KIF21B: variants seen among roughly 807,000 people sequenced by gnomAD.
KIF21B encodes the protein kinesin family member 21B.
A neutral mutation model predicts 192.9 loss-of-function variants in KIF21B; 85 were observed. The observed-to-expected ratio is 0.44, with a 90% CI of 0.37 to 0.53. The LOEUF is 0.53. Among genes scored for constraint, KIF21B ranks in the 20% least tolerant of loss-of-function variants. The pLI is 0.00. For missense variants in KIF21B, 1,716 were observed against 2,194.8 expected, an observed-to-expected ratio of 0.78 and a Z score of 4.36; for synonymous variants, 832 against 884.6, an observed-to-expected ratio of 0.94 and a Z score of 1.05.
chr1:200,999,303 A>C lies in KIF21B; in HGVS notation c.1885+46T>G. 6.2e-6 allele frequency: 10 copies of C among 1,612,850 alleles called. No individual in the cohort carries two copies. The highest frequency in any genetic ancestry group is 8.5e-6 in the Non-Finnish European group (10 of 1,179,152). On this transcript the variant is annotated intron_variant, in intron 13 of 34. Transcript: ENST00000461742. This position sits in a 1 kb window ranked among gnomAD's most constrained non-coding sequence, Gnocchi z 4.7. ...CCCGACCCCACACTTGGGCACTGGCAGCCAGGCATTGCATCCCCCACAGCC... is the reference window on the plus strand; with the variant it reads ...CCCGACCCCACACTTGGGCACTGGCCGCCAGGCATTGCATCCCCCACAGCC...
intron 25 of KIF21B, 36 bp downstream of exon 25, chr1:200,986,960 C>G (rs778239768): frequency 3.1e-6 from 5 of 1,612,426 alleles, no homozygotes; most frequent in Non-Finnish European, 4.2e-6. Flanking sequence ...CCAACTCCAC[C>G]TCCACTCCAA....
chr1:201,003,307 A>G, intron 8 of KIF21B: 1 of 510,178 alleles, frequency 2.0e-6, no homozygotes, highest in Non-Finnish European at 3.6e-6. Flanking sequence ...CCTGTGCACA[A>G]GATCTATGCA....
At chr1:200,996,480 C>A in intron 14 of KIF21B, 85 bp from the exon 15 acceptor site, 1 of 1,178,900 alleles carries the variant, frequency 8.5e-7, no homozygotes, top group South Asian at 1.3e-5. Context: ...AACGCAGGAA[C>A]CCTCTGTTCC....
Position 200,982,960 on chromosome 1 carries a change from CGG to C in KIF21B, c.3842+94_3842+95del, listed in dbSNP as rs1360597572. 37 of 1,124,600 alleles carry C rather than the reference CGG, an allele frequency of 3.3e-5. No individual in the cohort carries two copies. The highest frequency in any genetic ancestry group is 2.4e-4 in the Middle Eastern group (1 of 4,198). The allele number at this position is 1,124,600 out of a possible 1,614,324, so 69.7% of individuals were successfully genotyped here. On this transcript the variant is annotated intron_variant, in intron 28 of 34. Coordinates refer to ENST00000461742, the MANE Select transcript of KIF21B (RefSeq NM_001252102.2). This position sits in a 1 kb window ranked among gnomAD's most constrained non-coding sequence, Gnocchi z 4.7. ...GTGGAGGGGCCGCATGCTGAGGACA[CGG>C]GTGTCAGGCGGGAGGGATGCAGCAA...
chr1:201,013,097 G>A (rs1357200072), intron 1 of KIF21B, among the ~76,000 whole-genome samples: 1 of 152,192 alleles, frequency 6.6e-6, no homozygotes, highest in Non-Finnish European at 1.5e-5. Flanking sequence ...ACAGTTTGGC[G>A]GTGGCAGACA....
Position 200,973,386 on chromosome 1 carries a change from G to A in KIF21B, c.*135C>T. 8.9e-7 allele frequency: 1 copy of A among 1,124,990 alleles called. No individual in the cohort carries two copies. Among genetic ancestry groups the A allele is most frequent in the Non-Finnish European group, 1.2e-6 (1 of 852,476 alleles). 69.7% of individuals were successfully genotyped at this position (1,124,990 alleles called of 1,614,324 possible). A position where few individuals can be genotyped will look rare whatever the true frequency, so the allele number is the denominator to read the frequency against. ...TGTCCTGTGGGAAGGCCAAGGGAGA[G>A]GGAGGAGGGCAGGAGAGGGGGCCAC... On this transcript the variant is annotated 3_prime_UTR_variant, in exon 35 of 35. Transcript: ENST00000461742.
At chr1:200,994,983 G>C (rs1656955546) in intron 15 of KIF21B, among the ~76,000 whole-genome samples, 1 of 152,232 alleles carries the variant, frequency 6.6e-6, no homozygotes, top group Non-Finnish European at 1.5e-5. Context: ...GGCCAGCCCA[G>C]GCCAAGCAGG....
In KIF21B at chr1:201,000,719, T is replaced by C. The variant is rs1657438318; in HGVS notation, c.1464A>G (p.Leu488=). The change falls in exon 10 of 35, where the codon CTA becomes CTG. Residue 488 remains leucine (L), a splice_region_variant and synonymous_variant. Transcript: ENST00000461742. This position sits in a 1 kb window ranked among gnomAD's most constrained non-coding sequence, Gnocchi z 6.0. ...IQNYIREIEE[L]RTKLLESEAM... The stretch of plus-strand genomic sequence containing the variant: ...CCTGCCGGAGCTCACTCACTCACCG[T>C]AGCTCCTCGATCTCCCGGATGTAGT... 8 of 1,614,162 alleles carry C rather than the reference T, an allele frequency of 5.0e-6. No homozygotes were observed. Among genetic ancestry groups the C allele is most frequent in the Admixed American group, 1.7e-5 (1 of 60,026 alleles).
Position 200,990,573 on chromosome 1 carries a change from C to T in KIF21B, c.2835+3G>A. 1 of 1,613,480 alleles carries T rather than the reference C, an allele frequency of 6.2e-7. No homozygotes were observed. On this transcript the variant is annotated splice_donor_region_variant and intron_variant, in intron 19 of 34. Coordinates refer to ENST00000461742, the MANE Select transcript of KIF21B (RefSeq NM_001252102.2). This position sits in a 1 kb window ranked among gnomAD's most constrained non-coding sequence, Gnocchi z 5.4. ...TGGAAGAGAAGGGGGAGGCAGGGCT[C>T]ACCTTGATGAGCCGCTCCATGTCAG...
intron 1 of KIF21B, among the ~76,000 whole-genome samples, chr1:201,020,329 C>T (rs1370683107): frequency 6.6e-6 from 1 of 152,190 alleles, no homozygotes; most frequent in Admixed American, 6.5e-5. Flanking sequence ...TTTGTCAGGC[C>T]TATATCTCTG....
At chr1:201,005,270 C>A (rs1193678247) in intron 5 of KIF21B, 38 bp downstream of exon 5, 1 of 1,536,524 alleles carries the variant, frequency 6.5e-7, no homozygotes, top group East Asian at 2.3e-5. Context: ...GATACCCCTG[C>A]AGCAAGCTGG....
chr1:201,018,382 A>G (rs1655021091), intron 1 of KIF21B, among the ~76,000 whole-genome samples: 1 of 152,248 alleles, frequency 6.6e-6, no homozygotes, highest in Non-Finnish European at 1.5e-5. Flanking sequence ...AGCTAGGACC[A>G]TGGTGGTGCC....
chr1:201,000,003 G>T lies in KIF21B; in HGVS notation c.1686-39C>A. The T allele has an allele frequency of 6.3e-7, 1 of 1,583,094 alleles. No individual in the cohort carries two copies. On this transcript the variant is annotated intron_variant, in intron 11 of 34. Transcript: ENST00000461742. The surrounding 1 kb of genome is among the most constrained non-coding windows in gnomAD (Gnocchi z 6.0). ...ACAGGGAAGCTGGATTAGGAAGGCT[G>T]CCCCTGCCCTGAGCACATGGGCAGG...
At chr1:201,006,562 A>G (rs910872723) in intron 3 of KIF21B, among the ~76,000 whole-genome samples, 4 of 152,084 alleles carry the variant, frequency 2.6e-5, no homozygotes, top group Non-Finnish European at 5.9e-5. Flanking sequence ...AGGAGATGGA[A>G]AGGATGGTGC....
Position 200,998,461 on chromosome 1 carries a change from T to G in KIF21B, c.2000A>C (p.Tyr667Ser). Reference protein sequence around the residue: ...QRRLQTLKHQYEEKLILLQNK... With the variant: ...QRRLQTLKHQSEEKLILLQNK... ...CTGCAGCAGAATCAGCTTTTCCTCA[T>G]ACTGGTGCTTGAGCGTCTGCAACCG... Residue 667 changes from tyrosine to serine, a missense_variant, in exon 14 of 35, where the codon TAT (tyrosine) becomes TCT (serine). Tyr to Ser is a moderately radical substitution (Grantham distance 144, BLOSUM62 -2). Around this residue, in one of 3 missense-constraint regions of KIF21B, gnomAD observed 1,087 missense variants for 1,316.6 expected, o/e 0.83. Transcript: ENST00000461742. This position sits in a 1 kb window ranked among gnomAD's most constrained non-coding sequence, Gnocchi z 4.3. 1 of 1,614,126 alleles carries G rather than the reference T, an allele frequency of 6.2e-7. No individual in the cohort carries two copies. Among genetic ancestry groups the G allele is most frequent in the East Asian group, 2.2e-5 (1 of 44,886 alleles).
chr1:201,003,015 C>G (rs981698461), intron 8 of KIF21B: 3 of 160,772 alleles, frequency 1.9e-5, no homozygotes, highest in Admixed American at 5.8e-5. Context: ...TTTTCCCACT[C>G]TGTTCCTTTG....
intron 21 of KIF21B, 73 bp from the exon 22 acceptor site, chr1:200,989,004 C>T: frequency 7.0e-7 from 1 of 1,433,554 alleles, no homozygotes; most frequent in Non-Finnish European, 9.4e-7. Context: ...ACAACCTGCA[C>T]CCCTCAAGAC....
intron 14 of KIF21B, among the ~76,000 whole-genome samples, chr1:200,997,835 A>G (rs181304973): frequency 1.3e-5 from 2 of 152,212 alleles, no homozygotes; most frequent in Admixed American, 6.5e-5. Flanking sequence ...CATTTGACAC[A>G]CTATAGTTTC....
rs902274506 is a variant in KIF21B at position 201,023,321 on chromosome 1, C to A, written c.41+22G>T. ...AGCCCGAGGCTTCTCCGCGCGCCCC[C>A]TTCCCCGCCCCGGGTCCCTACCTGA... is the stretch of plus-strand genomic sequence containing the variant. On this transcript the variant is annotated intron_variant, in intron 1 of 34. Coordinates refer to ENST00000461742, the MANE Select transcript of KIF21B (RefSeq NM_001252102.2). This position sits in a 1 kb window ranked among gnomAD's most constrained non-coding sequence, Gnocchi z 5.9. 2 of 1,523,552 alleles carry A rather than the reference C, an allele frequency of 1.3e-6. No homozygotes were observed. Among genetic ancestry groups the A allele is most frequent in the Middle Eastern group, 1.9e-4 (1 of 5,170 alleles). The allele number at this position is 1,523,552 out of a possible 1,614,324, so 94.4% of individuals were successfully genotyped here.
Sources: allele counts gnomAD v4.1 joint callset (sites outside exome capture counted in the v4.1 genomes callset), GRCh38; gene constraint gnomAD v4.1.1; regional missense constraint gnomAD v4.1.1; non-coding constraint Gnocchi (gnomAD v3.1); transcripts MANE v1.5; gene names NCBI Gene and HGNC (gene_info 2026-07-23, HGNC 2026-07-21).